CCDC102B: variants seen among roughly 807,000 people sequenced by gnomAD.
CCDC102B encodes coiled-coil domain containing 102B.
In CCDC102B, 75 loss-of-function variants were observed where a neutral mutation model predicts 57.4. The observed-to-expected ratio is 1.31, with a 90% CI of 1.08 to 1.58. The LOEUF is 1.58. Among genes scored for constraint, CCDC102B ranks in the 40% most tolerant of loss-of-function variants. The pLI, the probability that CCDC102B is intolerant of heterozygous loss-of-function variation, is 0.00. For missense variants in CCDC102B, 636 were observed against 582.6 expected, an observed-to-expected ratio of 1.09 and a Z score of -0.94; for synonymous variants, 206 against 201.9, an observed-to-expected ratio of 1.02 and a Z score of -0.17.
intron 4 of CCDC102B, among the ~76,000 whole-genome samples, chr18:68,860,474 AC>A (rs1357931164): frequency 0.018 from 999 of 54,960 alleles, 31 homozygotes; most frequent in Non-Finnish European, 0.039. Context: ...AAAAACAAAA[AC>A]AAAAAAAAAA....
rs184106657 is a variant in CCDC102B at position 68,867,703 on chromosome 18, G to A, written c.937-6966G>A. ...TAATCCCAGCACTTTGGGAGGCCGA[G>A]GCGGGCGGATCACAAGGTCAGGAGA... On this transcript the variant is annotated intron_variant, in intron 4 of 7. Coordinates refer to ENST00000360242, the MANE Select transcript of CCDC102B (RefSeq NM_024781.3). 4.2e-4 allele frequency among the ~76,000 whole-genome samples: 64 copies of A among 152,154 alleles called. 1 individual carries two copies. The highest frequency in any genetic ancestry group is 2.9e-3 in the Admixed American group (45 of 15,292).
At chr18:68,911,577 C>G (rs891746621) in intron 6 of CCDC102B, among the ~76,000 whole-genome samples, 3 of 149,210 alleles carry the variant, frequency 2.0e-5, no homozygotes, top group Non-Finnish European at 4.4e-5. Context: ...ACGGTGAAAC[C>G]CCGTCTCTAC....
At chr18:68,808,646 T>G (rs891602517) in intron 1 of CCDC102B, among the ~76,000 whole-genome samples, 6 of 151,678 alleles carry the variant, frequency 4.0e-5, no homozygotes, top group Non-Finnish European at 7.4e-5. Flanking sequence ...CCCGGATAAT[T>G]TTTTTGTATT....
chr18:68,832,778 G>A (rs1482603430), intron 1 of CCDC102B, among the ~76,000 whole-genome samples: 3 of 151,872 alleles, frequency 2.0e-5, no homozygotes, highest in Admixed American at 6.6e-5. Flanking sequence ...GAGAGTCTGC[G>A]GAGAGTGGGG....
At chr18:69,025,025 A>T (rs544145789) in intron 7 of CCDC102B, among the ~76,000 whole-genome samples, 2 of 152,248 alleles carry the variant, frequency 1.3e-5, no homozygotes, top group South Asian at 2.1e-4. Context: ...TTCTCAAGGG[A>T]ATAAAATAAA....
chr18:68,837,532 T>G (rs2037438367), intron 2 of CCDC102B, among the ~76,000 whole-genome samples, 163 bp downstream of exon 2: 2 of 152,194 alleles, frequency 1.3e-5, no homozygotes, highest in Admixed American at 6.5e-5. Context: ...ATTCATTTTC[T>G]TACAATTGTA....
At chr18:69,006,937 A>G (rs2051367010) in intron 6 of CCDC102B, among the ~76,000 whole-genome samples, 1 of 152,220 alleles carries the variant, frequency 6.6e-6, no homozygotes, top group South Asian at 2.1e-4. Flanking sequence ...TAGGTTGGCC[A>G]TGAGCAATTT....
chr18:68,927,127 T>C (rs1012197889), intron 6 of CCDC102B, among the ~76,000 whole-genome samples: 5 of 151,928 alleles, frequency 3.3e-5, no homozygotes, highest in African/African-American at 4.8e-5. Context: ...GTAGTTATGG[T>C]GCAGGAGAAA....
intron 6 of CCDC102B, among the ~76,000 whole-genome samples, chr18:68,969,873 A>G (rs2050258826): frequency 6.6e-6 from 1 of 152,082 alleles, no homozygotes; most frequent in East Asian, 1.9e-4. Flanking sequence ...TTATAGAGCA[A>G]ATTATCAATG....
At chr18:68,887,769 G>C (rs1364647443) in intron 5 of CCDC102B, among the ~76,000 whole-genome samples, 1 of 152,174 alleles carries the variant, frequency 6.6e-6, no homozygotes, top group Non-Finnish European at 1.5e-5. Flanking sequence ...ATAAAAGCTT[G>C]ATACATCAAA....
intron 5 of CCDC102B, among the ~76,000 whole-genome samples, chr18:68,878,796 AGT>A (rs1321993107): frequency 2.6e-5 from 4 of 152,168 alleles, no homozygotes; most frequent in Non-Finnish European, 5.9e-5. Context: ...CAGATGGGCA[AGT>A]GTAATTATTT....
At chr18:68,768,607 A>G (rs1468038190) in intron 2 of CCDC102B, among the ~76,000 whole-genome samples, 1 of 152,202 alleles carries the variant, frequency 6.6e-6, no homozygotes, top group East Asian at 1.9e-4. Flanking sequence ...AGTCAAAATC[A>G]CAGAAGTTCA....
intron 6 of CCDC102B, among the ~76,000 whole-genome samples, chr18:68,979,515 G>A (rs188999717): frequency 7.0e-6 from 1 of 142,528 alleles, no homozygotes; most frequent in East Asian, 1.9e-4. Context: ...AACTCCTAAA[G>A]TAGAGTTAAA....
chr18:68,998,606 CCAA>C (rs372834972), intron 6 of CCDC102B, among the ~76,000 whole-genome samples: 129,727 of 151,280 alleles, frequency 0.86, 57,577 homozygotes, highest in Non-Finnish European at 0.97. Context: ...AGTAGGGAAG[CCAA>C]CAGTTCAGCT....
chr18:68,767,016 C>T lies in CCDC102B; in HGVS notation c.-67+50422C>T, dbSNP rs563423380. 5.3e-5 allele frequency among the ~76,000 whole-genome samples: 8 copies of T among 152,234 alleles called. No individual in the cohort carries two copies. In the South Asian group the frequency reaches 6.2e-4, roughly 12 times the overall value. Reference sequence around the variant, plus strand: ...AGATATTAAACTGAAATACACACTTCGGTAAATGCAGATTATAAAACTGGA... The same window carrying T: ...AGATATTAAACTGAAATACACACTTTGGTAAATGCAGATTATAAAACTGGA... On this transcript the variant is annotated intron_variant, in intron 2 of 3. Coordinates refer to the CCDC102B transcript ENST00000578970.
intron 6 of CCDC102B, among the ~76,000 whole-genome samples, chr18:68,935,918 T>C (rs1446293046): frequency 1.3e-5 from 2 of 151,962 alleles, no homozygotes; most frequent in Non-Finnish European, 2.9e-5. Context: ...CTCATGTTCA[T>C]GCCCCTTCTG....
intron 6 of CCDC102B, among the ~76,000 whole-genome samples, chr18:69,003,712 A>G (rs908994245): frequency 6.6e-6 from 1 of 152,192 alleles, no homozygotes; most frequent in Non-Finnish European, 1.5e-5. Context: ...CATATATATC[A>G]CTTAAAGGTA....
chr18:68,823,831 G>A (rs1227452004), intron 1 of CCDC102B, among the ~76,000 whole-genome samples: 1 of 152,016 alleles, frequency 6.6e-6, no homozygotes, highest in Admixed American at 6.6e-5. Context: ...CTTTTCACAT[G>A]TTTGTTGACT....
At chr18:68,999,167 G>C (rs1465334535) in intron 6 of CCDC102B, among the ~76,000 whole-genome samples, 3 of 151,704 alleles carry the variant, frequency 2.0e-5, no homozygotes, top group African/African-American at 7.3e-5. Flanking sequence ...CATGGAAAGA[G>C]AAAAAAACAC....
Sources: gnomAD v4.1 joint callset for allele counts (sites outside exome capture counted in the v4.1 genomes callset) on GRCh38, gnomAD v4.1.1 for gene constraint, MANE v1.5 for transcripts, NCBI Gene and HGNC (gene_info 2026-07-23, HGNC 2026-07-21) for gene names.